FAM168A: variants seen among roughly 807,000 people sequenced by gnomAD.
FAM168A encodes the protein protein FAM168A.
A neutral mutation model predicts 28.5 loss-of-function variants in FAM168A; 3 were observed. The observed-to-expected ratio is 0.11, with a 90% CI of 0.05 to 0.27. The LOEUF is 0.27. Among genes scored for constraint, FAM168A ranks in the 10% least tolerant of loss-of-function variants. The pLI is 1.00. For missense variants in FAM168A, 222 were observed against 311.5 expected (o/e 0.71, Z 2.16); for synonymous variants, 122 against 124.2 (o/e 0.98, Z 0.12).
chr11:73,492,051 T>C (rs955263835), intron 1 of FAM168A, among the ~76,000 whole-genome samples: 2 of 152,194 alleles, frequency 1.3e-5, no homozygotes, highest in African/African-American at 2.4e-5. Flanking sequence ...ATAGTCTCCA[T>C]GGAGAGTCAG....
intron 1 of FAM168A, among the ~76,000 whole-genome samples, chr11:73,492,293 C>G (rs955212821): frequency 6.6e-6 from 1 of 152,176 alleles, no homozygotes; most frequent in Non-Finnish European, 1.5e-5. Context: ...ACATAACCAG[C>G]ACATCCTGAA....
chr11:73,455,039 C>A (rs1867503911), intron 2 of FAM168A, among the ~76,000 whole-genome samples: 1 of 152,208 alleles, frequency 6.6e-6, no homozygotes. Flanking sequence ...GGCAAAGAGC[C>A]CACTGGGCTG....
intron 1 of FAM168A, among the ~76,000 whole-genome samples, chr11:73,508,278 T>C (rs1855153885): frequency 6.6e-6 from 1 of 152,174 alleles, no homozygotes; most frequent in African/African-American, 2.4e-5. Context: ...TCAGAATGCT[T>C]ATTACTATTA....
chr11:73,582,164 T>G (rs1259179751), intron 1 of FAM168A, among the ~76,000 whole-genome samples: 1 of 152,172 alleles, frequency 6.6e-6, no homozygotes, highest in Non-Finnish European at 1.5e-5. Context: ...GATGCATAAG[T>G]GATTATTTTT....
intron 2 of FAM168A, among the ~76,000 whole-genome samples, chr11:73,463,255 C>G (rs1040683326): frequency 2.0e-5 from 3 of 152,156 alleles, no homozygotes; most frequent in South Asian, 2.1e-4. Context: ...GTGTGAGCCA[C>G]CGCGCCCAGC....
intron 3 of FAM168A, among the ~76,000 whole-genome samples, chr11:73,422,448 C>G (rs1866810376): frequency 6.6e-6 from 1 of 152,132 alleles, no homozygotes; most frequent in Non-Finnish European, 1.5e-5. Context: ...TATTAGCTGT[C>G]AACTTGACCT....
chr11:73,477,033 T>C (rs188187140), intron 1 of FAM168A, among the ~76,000 whole-genome samples: 10 of 151,654 alleles, frequency 6.6e-5, no homozygotes, highest in Non-Finnish European at 1.2e-4. Context: ...ATTAAAAAAA[T>C]AAAACAAAAA....
At chr11:73,531,575 T>C (rs961756973) in intron 1 of FAM168A, among the ~76,000 whole-genome samples, 19 of 152,152 alleles carry the variant, frequency 1.2e-4, no homozygotes, top group African/African-American at 4.1e-4. Flanking sequence ...CAGACACTGG[T>C]ACAGAGTAAC....
chr11:73,488,568 GA>G (rs1565267397), intron 1 of FAM168A, among the ~76,000 whole-genome samples: 1 of 151,990 alleles, frequency 6.6e-6, no homozygotes, highest in African/African-American at 2.4e-5. Context: ...ATTAATCATC[GA>G]AAAGAGAGTT....
At chr11:73,435,158 T>G (rs917302718) in intron 2 of FAM168A, among the ~76,000 whole-genome samples, 3 of 152,216 alleles carry the variant, frequency 2.0e-5, no homozygotes, top group African/African-American at 7.2e-5. Flanking sequence ...CTAAATCCTT[T>G]CCAATTCCAA....
chr11:73,565,200 A>G (rs1027759632), intron 1 of FAM168A, among the ~76,000 whole-genome samples: 18 of 152,180 alleles, frequency 1.2e-4, no homozygotes, highest in Non-Finnish European at 2.4e-4. Flanking sequence ...TTTCAGTTAG[A>G]TAACAGTCAT....
intron 2 of FAM168A, among the ~76,000 whole-genome samples, chr11:73,460,419 TG>T (rs1025433453): frequency 3.3e-5 from 5 of 151,860 alleles, no homozygotes; most frequent in Non-Finnish European, 7.4e-5. Flanking sequence ...CAAAATTTAC[TG>T]AGAGCCAACT....
At position 73,529,000 on chromosome 11, in the gene FAM168A, T is replaced by TA. The variant is rs376487940; in HGVS notation, c.-18-60509dup. Among the ~76,000 whole-genome samples, 295 of 149,272 alleles carry TA rather than the reference T, an allele frequency of 2.0e-3. 2 individuals carry two copies. Among genetic ancestry groups the TA allele is most frequent in the African/African-American group, 7.0e-3 (286 of 40,844 alleles). Reference sequence around the variant, plus strand: ...TTTTGTGAGCTGCTAGTGTGGGATTTAAAAAAAAAAGTACCCTGCTGCTAG... The same window carrying TA: ...TTTTGTGAGCTGCTAGTGTGGGATTTAAAAAAAAAAAGTACCCTGCTGCTAG... On this transcript the variant is annotated intron_variant, in intron 1 of 7. Coordinates refer to ENST00000356467, the MANE Select transcript of FAM168A (RefSeq NM_015159.3).
At chr11:73,535,679 AAAGTGTTGGGATTAC>A (rs1216015521) in intron 1 of FAM168A, among the ~76,000 whole-genome samples, 3 of 150,478 alleles carry the variant, frequency 2.0e-5, no homozygotes, top group South Asian at 4.2e-4. Context: ...TTGGCCTCCC[AAAGTGTTGGGATTAC>A]AGGCGTGAGC....
chr11:73,510,499 T>C (rs954368011), intron 1 of FAM168A, among the ~76,000 whole-genome samples: 2 of 152,058 alleles, frequency 1.3e-5, no homozygotes, highest in Non-Finnish European at 2.9e-5. Flanking sequence ...AATTGCAGTT[T>C]TTTGCCCTTA....
chr11:73,409,843 C>T (rs1032031144), intron 5 of FAM168A, among the ~76,000 whole-genome samples, 182 bp from the exon 6 acceptor site: 12 of 152,200 alleles, frequency 7.9e-5, no homozygotes, highest in African/African-American at 2.9e-4. Context: ...GGCTCTAATC[C>T]TGTCCTGCCT....
intron 1 of FAM168A, among the ~76,000 whole-genome samples, chr11:73,530,335 G>A (rs896368188): frequency 7.0e-6 from 1 of 143,528 alleles, no homozygotes; most frequent in Admixed American, 6.6e-5. Context: ...CCAGTGGAGC[G>A]AGTGGCTATT....
intron 3 of FAM168A, 66 bp from the exon 4 acceptor site, chr11:73,420,065 C>G: frequency 6.3e-7 from 1 of 1,588,642 alleles, no homozygotes; most frequent in Non-Finnish European, 8.6e-7. Flanking sequence ...ATCACAGACA[C>G]AAAGCAAGGG....
At chr11:73,564,801 A>G (rs1034962524) in intron 1 of FAM168A, among the ~76,000 whole-genome samples, 3 of 151,648 alleles carry the variant, frequency 2.0e-5, no homozygotes, top group Admixed American at 2.0e-4. Flanking sequence ...AAGAAACATA[A>G]TTGCAGAACA....
Sources: allele counts gnomAD v4.1 joint callset (sites outside exome capture counted in the v4.1 genomes callset), GRCh38; gene constraint gnomAD v4.1.1; transcripts MANE v1.5; gene names NCBI Gene and HGNC (gene_info 2026-07-23, HGNC 2026-07-21).